Variants in COL4A6 observed in about 807,000 individuals in gnomAD.
COL4A6 encodes collagen alpha-6(IV) chain.
COL4A6 carries 59 observed loss-of-function variants against 126.7 expected under a neutral mutation model. The ratio of observed to expected loss-of-function variants is 0.47; its 90% CI spans 0.38 to 0.58. COL4A6 has a LOEUF of 0.58. Ranked by LOEUF, COL4A6 falls within the 20% of genes least tolerant of loss-of-function variation. COL4A6 has a pLI of 0.00. For missense variants in COL4A6, 1,285 were observed against 1,337.3 expected, an observed-to-expected ratio of 0.96 and a Z score of 0.61; for synonymous variants, 547 against 496.6, an observed-to-expected ratio of 1.10 and a Z score of -1.35.
chrX:108,247,008 A>T (rs908353907), intron 3 of COL4A6, among the ~76,000 whole-genome samples: 10 of 111,807 alleles, frequency 8.9e-5, no homozygotes, highest in Non-Finnish European at 1.5e-4. Flanking sequence ...GCTTATTAAT[A>T]TTAGAGCACT....
intron 2 of COL4A6, among the ~76,000 whole-genome samples, chrX:108,402,874 T>C (rs759597282): frequency 9.0e-6 from 1 of 111,279 alleles, no homozygotes; most frequent in South Asian, 3.8e-4. Context: ...AATTTTTATG[T>C]ATGTTCCATG....
At chrX:108,226,767 A>C (rs189176157) in intron 3 of COL4A6, among the ~76,000 whole-genome samples, 1 of 110,730 alleles carries the variant, frequency 9.0e-6, no homozygotes, top group Non-Finnish European at 1.9e-5. Flanking sequence ...GTCCTCCATG[A>C]CCCTTCCATT....
chrX:108,403,239 T>G (rs1162466121), intron 2 of COL4A6, among the ~76,000 whole-genome samples: 1 of 11,964 alleles, frequency 8.4e-5, no homozygotes, highest in African/African-American at 3.4e-4. Context: ...ATTAGCTCTC[T>G]CTCTCTCTCT....
intron 3 of COL4A6, among the ~76,000 whole-genome samples, chrX:108,287,663 C>A (rs548089055): frequency 1.8e-5 from 2 of 111,963 alleles, no homozygotes; most frequent in African/African-American, 6.5e-5. Flanking sequence ...TTTCCCCAGT[C>A]TAGGTTAGTT....
intron 3 of COL4A6, among the ~76,000 whole-genome samples, chrX:108,241,590 G>A (rs1468508691): frequency 9.6e-6 from 1 of 103,728 alleles, no homozygotes; most frequent in South Asian, 4.3e-4. Flanking sequence ...AACAAAAAGT[G>A]TTCTGACTGA....
At chrX:108,218,149 C>T (rs956735656) in intron 5 of COL4A6, among the ~76,000 whole-genome samples, 6 of 112,254 alleles carry the variant, frequency 5.3e-5, no homozygotes, top group African/African-American at 1.9e-4. Flanking sequence ...CCTTCCAGCT[C>T]CCATTAAAAC....
intron 2 of COL4A6, among the ~76,000 whole-genome samples, chrX:108,325,494 G>C (rs1017202419): frequency 9.0e-6 from 1 of 111,345 alleles, no homozygotes; most frequent in Non-Finnish European, 1.9e-5. Context: ...AAACTCCTGG[G>C]CTAGATGGCC....
In COL4A6 at chrX:108,346,039, C is replaced by T. The variant is rs188861580; in HGVS notation, c.64-35211G>A. 9.9e-5 allele frequency among the ~76,000 whole-genome samples: 11 copies of T among 111,122 alleles called. 1 individual carries two copies. Among genetic ancestry groups the T allele is most frequent in the African/African-American group, 3.3e-4 (10 of 30,517 alleles). ...ATTTGAAGCAACACAAGAGGGGAAA[C>T]CAGAAACACCCCCGCACCCCCCACA... On this transcript the variant is annotated intron_variant, in intron 2 of 44. Transcript: ENST00000334504.
chrX:108,175,640 A>G lies in COL4A6; in HGVS notation c.2830+14T>C, dbSNP rs374605222. ...GCATGGGCAGCAGTTCCAGAATTCA[A>G]TTCCCCAGCTCACCCTTTTCACCAG... On this transcript the variant is annotated intron_variant, in intron 29 of 44. Coordinates refer to ENST00000334504, the MANE Select transcript of COL4A6 (RefSeq NM_033641.4). 3.1e-4 allele frequency: 365 copies of G among 1,184,633 alleles called. No individual in the cohort carries two copies. Among genetic ancestry groups the G allele is most frequent in the Non-Finnish European group, 3.4e-4 (303 of 886,382 alleles).
In COL4A6 at chrX:108,385,687, C is replaced by T. The variant is rs146952541; in HGVS notation, c.63+52255G>A. Among the ~76,000 whole-genome samples the T allele has an allele frequency of 1.0e-3, 117 of 111,726 alleles. 4 individuals carry two copies. In the East Asian group the frequency reaches 0.032, roughly 30 times the overall value. ...AGAATTGAGACTTAAGACATAAACC[C>T]ATACATCTTGGTCAATTGATTTTAT... On this transcript the variant is annotated intron_variant, in intron 2 of 44. Coordinates refer to ENST00000334504, the MANE Select transcript of COL4A6 (RefSeq NM_033641.4).
At chrX:108,367,510 A>C (rs1187786843) in intron 2 of COL4A6, among the ~76,000 whole-genome samples, 3 of 111,829 alleles carry the variant, frequency 2.7e-5, no homozygotes, top group African/African-American at 9.7e-5. Context: ...AATTATATAG[A>C]GCCAAAGCAG....
intron 2 of COL4A6, among the ~76,000 whole-genome samples, chrX:108,410,057 G>A (rs2041295621): frequency 8.9e-6 from 1 of 111,753 alleles, no homozygotes; most frequent in African/African-American, 3.3e-5. Flanking sequence ...GCAGGTCTGA[G>A]GGTGTTTGGA....
chrX:108,366,167 A>G (rs2040194208), intron 2 of COL4A6, among the ~76,000 whole-genome samples: 1 of 111,473 alleles, frequency 9.0e-6, no homozygotes, highest in Non-Finnish European at 1.9e-5. Flanking sequence ...TATTTTTCCT[A>G]TGTATTTGCC....
At chrX:108,320,053 G>C (rs761769827) in intron 2 of COL4A6, among the ~76,000 whole-genome samples, 2 of 111,902 alleles carry the variant, frequency 1.8e-5, no homozygotes, top group South Asian at 7.5e-4. Context: ...TAGGGTAGTT[G>C]ATGTGGTAAT....
chrX:108,397,260 T>C (rs191917392), intron 2 of COL4A6, among the ~76,000 whole-genome samples: 2 of 111,810 alleles, frequency 1.8e-5, no homozygotes, highest in African/African-American at 6.5e-5. Context: ...CAGATTGCTA[T>C]ACCCTAAGCC....
intron 3 of COL4A6, among the ~76,000 whole-genome samples, chrX:108,289,508 G>C (rs758408233): frequency 4.1e-4 from 45 of 111,082 alleles, no homozygotes; most frequent in Non-Finnish European, 7.4e-4. Flanking sequence ...TAAAAAGTTG[G>C]CAGGAAAACA....
chrX:108,284,459 T>TGACAAA (rs1034233780), intron 3 of COL4A6, among the ~76,000 whole-genome samples: 3 of 110,813 alleles, frequency 2.7e-5, no homozygotes, highest in African/African-American at 9.9e-5. Flanking sequence ...TAAAGTATAA[T>TGACAAA]GAAAAAGAAA....
intron 41 of COL4A6, among the ~76,000 whole-genome samples, chrX:108,162,411 GA>G (rs2033980066): frequency 9.4e-6 from 1 of 105,821 alleles, no homozygotes; most frequent in Non-Finnish European, 2.0e-5. Flanking sequence ...AGAAGAAGAA[GA>G]AGAGGAAGAA....
At chrX:108,179,189 G>A (rs1261793721) in intron 26 of COL4A6, 28 bp downstream of exon 26, 1 of 1,166,035 alleles carries the variant, frequency 8.6e-7, no homozygotes, top group Non-Finnish European at 1.2e-6. Context: ...TCTGTAGATT[G>A]TTAAATAATT....
Sources: allele counts gnomAD v4.1 joint callset (sites outside exome capture counted in the v4.1 genomes callset), GRCh38; gene constraint gnomAD v4.1.1; transcripts MANE v1.5; gene names NCBI Gene and HGNC (gene_info 2026-07-23, HGNC 2026-07-21).